The following CLSTN2 variants were observed in gnomAD, a reference collection of about 807,000 sequenced individuals.
The protein encoded by CLSTN2 is calsyntenin-2.
In CLSTN2, 48 loss-of-function variants were observed where a neutral mutation model predicts 101.2. The ratio of observed to expected loss-of-function variants is 0.47; its 90% CI spans 0.38 to 0.60. The LOEUF (loss-of-function observed/expected upper bound fraction) is 0.60, where lower values mean the gene tolerates loss of function less well. Among genes scored for constraint, CLSTN2 ranks in the 20% least tolerant of loss-of-function variants. CLSTN2 has a pLI of 0.00. For synonymous variants in CLSTN2, 481 were observed against 463.6 expected (o/e 1.04, Z -0.48); for missense variants, 1,160 against 1,238.2 (o/e 0.94, Z 0.95).
rs1985739230 is a variant in CLSTN2, at chr3:140,576,657, C to G, written c.*10404C>G. On this transcript the variant is annotated 3_prime_UTR_variant, in exon 17 of 17. Transcript: ENST00000458420. ...GACACAGCAGAGAGAGGAGGGGGAG[C>G]AGCCTCGTCTTGCAGAATCACCTTC... is the stretch of plus-strand genomic sequence containing the variant. 6.6e-6 allele frequency: 1 copy of G among 152,194 alleles called. No homozygotes were observed. Among genetic ancestry groups the G allele is most frequent in the Non-Finnish European group, 1.5e-5 (1 of 68,062 alleles). 9.4% of individuals were successfully genotyped at this position (152,194 alleles called of 1,614,324 possible). A position where few individuals can be genotyped will look rare whatever the true frequency, so the allele number is the denominator to read the frequency against.
chr3:140,541,038 A>C (rs1332340433), intron 9 of CLSTN2, among the ~76,000 whole-genome samples: 3 of 152,216 alleles, frequency 2.0e-5, no homozygotes, highest in African/African-American at 7.2e-5. Context: ...TTCTGTGTCC[A>C]CAGAGCCCAC....
chr3:140,047,805 C>T (rs1246996529), intron 1 of CLSTN2, among the ~76,000 whole-genome samples: 2 of 152,170 alleles, frequency 1.3e-5, no homozygotes, highest in Non-Finnish European at 2.9e-5. Flanking sequence ...CACATTAATC[C>T]ATTACTCTAT....
chr3:140,213,437 C>T (rs1006369180), intron 2 of CLSTN2, among the ~76,000 whole-genome samples: 1 of 152,210 alleles, frequency 6.6e-6, no homozygotes, highest in Non-Finnish European at 1.5e-5. Flanking sequence ...TTCCACCTGC[C>T]TATTGCTTGG....
At chr3:140,036,820 C>A (rs1431949718) in intron 1 of CLSTN2, among the ~76,000 whole-genome samples, 1 of 151,882 alleles carries the variant, frequency 6.6e-6, no homozygotes, top group Non-Finnish European at 1.5e-5. Context: ...TAATTTCTGT[C>A]CTACATTTTA....
At chr3:140,404,259 G>T (rs1174930579) in intron 3 of CLSTN2, among the ~76,000 whole-genome samples, 1 of 152,234 alleles carries the variant, frequency 6.6e-6, no homozygotes, top group African/African-American at 2.4e-5. Context: ...AATTCTTACT[G>T]AATGGAGGAG....
intron 1 of CLSTN2, among the ~76,000 whole-genome samples, chr3:140,120,610 G>A (rs550274178): frequency 1.3e-5 from 2 of 152,272 alleles, no homozygotes; most frequent in Non-Finnish European, 2.9e-5. Flanking sequence ...GGCCTTTCTG[G>A]TTACCAGCCC....
At chr3:140,448,915 G>A (rs912455773) in intron 6 of CLSTN2, among the ~76,000 whole-genome samples, 1 of 152,146 alleles carries the variant, frequency 6.6e-6, no homozygotes, top group Admixed American at 6.5e-5. Flanking sequence ...CCATTTATTA[G>A]TTATGTGGCC....
intron 1 of CLSTN2, among the ~76,000 whole-genome samples, chr3:140,099,164 G>C (rs773359650): frequency 2.2e-4 from 34 of 152,304 alleles, no homozygotes; most frequent in Non-Finnish European, 3.7e-4. Context: ...CTTTTAAGGA[G>C]CTCTCCTAGA....
At chr3:140,533,453 T>A (rs887404535) in intron 9 of CLSTN2, among the ~76,000 whole-genome samples, 5 of 152,140 alleles carry the variant, frequency 3.3e-5, no homozygotes, top group Non-Finnish European at 7.4e-5. Context: ...CTCACGCCTG[T>A]AATCCCAGCA....
chr3:140,538,793 G>A (rs1192327071), intron 9 of CLSTN2, among the ~76,000 whole-genome samples: 1 of 152,206 alleles, frequency 6.6e-6, no homozygotes, highest in East Asian at 1.9e-4. Context: ...TTTCCAAGGA[G>A]TTCTTCATGA....
intron 1 of CLSTN2, among the ~76,000 whole-genome samples, chr3:140,120,041 G>C (rs1220611124): frequency 2.6e-5 from 4 of 152,162 alleles, no homozygotes; most frequent in African/African-American, 9.7e-5. Flanking sequence ...AATGCGTAGA[G>C]GTTTTTCCCC....
chr3:140,417,546 G>A (rs568913959), intron 4 of CLSTN2, among the ~76,000 whole-genome samples: 16 of 152,056 alleles, frequency 1.1e-4, no homozygotes, highest in Non-Finnish European at 1.8e-4. Flanking sequence ...CACTCTCCGA[G>A]TTTAAAAAAA....
At chr3:140,181,446 G>A (rs1325593241) in intron 2 of CLSTN2, among the ~76,000 whole-genome samples, 1 of 152,136 alleles carries the variant, frequency 6.6e-6, no homozygotes, top group African/African-American at 2.4e-5. Context: ...TTAAAAAAGA[G>A]AAAAGTTTTG....
intron 13 of CLSTN2, 74 bp from the exon 14 acceptor site, chr3:140,562,737 C>A: frequency 6.6e-7 from 1 of 1,507,782 alleles, no homozygotes; most frequent in Non-Finnish European, 9.1e-7. Context: ...GTACCACAAG[C>A]CCTGGCTTGT....
chr3:140,078,572 TG>T (rs747331827), intron 1 of CLSTN2, among the ~76,000 whole-genome samples: 1 of 152,124 alleles, frequency 6.6e-6, no homozygotes, highest in African/African-American at 2.4e-5. Flanking sequence ...TGCCACAGCC[TG>T]GAATTATTAT....
rs142241198 is a variant in CLSTN2, at chr3:140,271,046, C to T, written c.232+94973C>T. Among the ~76,000 whole-genome samples the T allele has an allele frequency of 1.2e-3, 179 of 152,294 alleles. 2 individuals are homozygous for T. The highest frequency in any genetic ancestry group is 6.1e-3 in the Admixed American group (94 of 15,294). ...CTCCTGCTAGATAATTCTTTAGCGG[C>T]GTCTCTGGGTGATTTCCTTCCCGGG... is the stretch of plus-strand genomic sequence containing the variant. On this transcript the variant is annotated intron_variant, in intron 2 of 16. Coordinates refer to ENST00000458420, the MANE Select transcript of CLSTN2 (RefSeq NM_022131.3).
At chr3:140,435,638 T>C (rs986407063) in intron 5 of CLSTN2, among the ~76,000 whole-genome samples, 3 of 152,190 alleles carry the variant, frequency 2.0e-5, no homozygotes, top group Non-Finnish European at 4.4e-5. Context: ...TTTTGAGGAA[T>C]CTCAAAACCG....
At chr3:140,312,878 T>C (rs1559836094) in intron 2 of CLSTN2, among the ~76,000 whole-genome samples, 1 of 152,208 alleles carries the variant, frequency 6.6e-6, no homozygotes, top group Non-Finnish European at 1.5e-5. Context: ...GGGTTGACAT[T>C]TTCAGCAATT....
intron 14 of CLSTN2, 29 bp from the exon 15 acceptor site, chr3:140,563,051 T>C (rs1935950900): frequency 6.2e-7 from 1 of 1,613,452 alleles, no homozygotes; most frequent in African/African-American, 1.3e-5. Context: ...CACTCCTGGG[T>C]CAATAGCACC....
Sources: gnomAD v4.1 joint callset for allele counts (sites outside exome capture counted in the v4.1 genomes callset) on GRCh38, gnomAD v4.1.1 for gene constraint, MANE v1.5 for transcripts, NCBI Gene and HGNC (gene_info 2026-07-23, HGNC 2026-07-21) for gene names.